Variants in XKR9 observed in about 807,000 individuals in gnomAD.
XKR9 encodes XK related 9.
Under a neutral mutation model 32.0 loss-of-function variants are expected in XKR9, and 32 were observed. The observed-to-expected ratio is 1.00, with a 90% CI of 0.76 to 1.34. The LOEUF (loss-of-function observed/expected upper bound fraction) is 1.34, where lower values mean the gene tolerates loss of function less well. Ranked by LOEUF, XKR9 falls within the 40% of genes most tolerant of loss-of-function variation. XKR9 has a pLI of 0.00. For synonymous variants in XKR9, 168 were observed against 143.4 expected, an observed-to-expected ratio of 1.17 and a Z score of -1.22; for missense variants, 546 against 429.7, an observed-to-expected ratio of 1.27 and a Z score of -2.39.
At chr8:70,916,546 T>A in the XKR9 span, among the ~76,000 whole-genome samples, 4 of 152,232 alleles carry the variant, frequency 2.6e-5, no homozygotes, top group African/African-American at 9.6e-5. Flanking sequence ...TTTTAATTAC[T>A]GTAGCTTTAT....
chr8:70,672,646 G>A (rs1279264623), intron 1 of XKR9, among the ~76,000 whole-genome samples: 1 of 152,040 alleles, frequency 6.6e-6, no homozygotes, highest in Non-Finnish European at 1.5e-5. Context: ...TCTCTGTACT[G>A]TTTTCCATAG....
chr8:70,781,122 G>T (rs927167859), intron 2 of XKR9: 3 of 151,886 alleles, frequency 2.0e-5, no homozygotes, highest in Non-Finnish European at 4.4e-5. Context: ...GGTATAAAGT[G>T]GTATTGCTTG....
intron 3 of XKR9, among the ~76,000 whole-genome samples, chr8:70,686,506 C>T (rs539824809): frequency 1.3e-4 from 19 of 151,696 alleles, no homozygotes; most frequent in South Asian, 1.3e-3. Context: ...TGCAGTGGCC[C>T]GATATTGGCT....
the XKR9 span, among the ~76,000 whole-genome samples, chr8:70,945,820 C>T: frequency 6.6e-6 from 1 of 152,170 alleles, no homozygotes; most frequent in South Asian, 2.1e-4. Context: ...AGCCCATTGA[C>T]TTACAGACTT....
chr8:70,753,130 C>T (rs12678258), intron 2 of XKR9, among the ~76,000 whole-genome samples: 817 of 125,308 alleles, frequency 6.5e-3, no homozygotes, highest in Non-Finnish European at 7.7e-3. Flanking sequence ...GAGAATACTA[C>T]AAACACCTCT....
At chr8:70,835,413 T>C in the XKR9 span, among the ~76,000 whole-genome samples, 2 of 152,088 alleles carry the variant, frequency 1.3e-5, no homozygotes, top group African/African-American at 4.8e-5. Context: ...CTTCAGAGTG[T>C]AAAGAAATCT....
chr8:70,941,562 T>C, the XKR9 span, among the ~76,000 whole-genome samples: 49 of 152,166 alleles, frequency 3.2e-4, no homozygotes, highest in Non-Finnish European at 5.6e-4. Flanking sequence ...ACCTGAAATC[T>C]GGATTGGGAG....
rs2130134316 is a variant in XKR9 at position 70,734,351 on chromosome 8, A to G, written c.1049A>G (p.Glu350Gly). The change falls in exon 5 of 5, where the codon GAA becomes GGA. Residue 350 changes from glutamate (E) to glycine (G), a missense_variant. By Grantham distance (98) the Glu-to-Gly change is moderately conservative. Coordinates refer to ENST00000408926, the MANE Select transcript of XKR9 (RefSeq NM_001011720.2). Reference protein sequence around the residue: ...YGSFHPNRSAETKCDEIDGKP... With the variant: ...YGSFHPNRSAGTKCDEIDGKP... ...AGTTTTCACCCAAACAGAAGTGCAG[A>G]AACAAAATGTGATGAAATTGATGGA... is the stretch of plus-strand genomic sequence containing the variant. The G allele has an allele frequency of 6.2e-7, 1 of 1,611,284 alleles. No individual in the cohort carries two copies. Among genetic ancestry groups the G allele is most frequent in the Non-Finnish European group, 8.5e-7 (1 of 1,179,458 alleles).
intron 2 of XKR9, among the ~76,000 whole-genome samples, chr8:70,678,365 A>C (rs539988259): frequency 1.3e-5 from 2 of 152,350 alleles, no homozygotes; most frequent in Admixed American, 1.3e-4. Context: ...TGCATGTGAT[A>C]ATTTAATACA....
intron 2 of XKR9, among the ~76,000 whole-genome samples, chr8:70,778,538 C>T (rs1407151610): frequency 8.5e-5 from 13 of 152,124 alleles, no homozygotes; most frequent in Non-Finnish European, 1.9e-4. Flanking sequence ...TTACTTTGGG[C>T]AGTATGACCA....
the XKR9 span, among the ~76,000 whole-genome samples, chr8:70,843,361 T>C: frequency 6.6e-6 from 1 of 152,224 alleles, no homozygotes; most frequent in Non-Finnish European, 1.5e-5. Context: ...TTATTTGTAT[T>C]TCTAACTCCT....
chr8:70,792,606 C>T (rs1807778669), downstream of XKR9, among the ~76,000 whole-genome samples: 1 of 152,076 alleles, frequency 6.6e-6, no homozygotes, highest in Non-Finnish European at 1.5e-5. Flanking sequence ...TAGTGCTAGA[C>T]AGGGCTTTAA....
intron 2 of XKR9, among the ~76,000 whole-genome samples, chr8:70,777,297 T>C (rs1440884796): frequency 6.6e-6 from 1 of 152,168 alleles, no homozygotes; most frequent in Non-Finnish European, 1.5e-5. Context: ...CATCCTTTTT[T>C]ATGGCTGCGT....
chr8:70,955,673 C>T, the XKR9 span, among the ~76,000 whole-genome samples: 1 of 152,198 alleles, frequency 6.6e-6, no homozygotes, highest in African/African-American at 2.4e-5. Context: ...CTGCTGGGCT[C>T]ATTCTGCCCC....
chr8:70,679,186 T>G (rs932628309), intron 2 of XKR9, among the ~76,000 whole-genome samples: 14 of 152,140 alleles, frequency 9.2e-5, no homozygotes, highest in African/African-American at 3.4e-4. Context: ...CATTTATCCC[T>G]CCTTACCTTT....
chr8:70,878,581 G>A, the XKR9 span, among the ~76,000 whole-genome samples: 6 of 152,194 alleles, frequency 3.9e-5, no homozygotes, highest in East Asian at 9.6e-4. Flanking sequence ...ATGGTAAAGG[G>A]ACCAATTCAA....
chr8:70,697,214 C>G (rs1047647364), intron 3 of XKR9, among the ~76,000 whole-genome samples: 55 of 151,758 alleles, frequency 3.6e-4, no homozygotes, highest in African/African-American at 1.3e-3. Flanking sequence ...GAACTTCCAA[C>G]ACTATGTTGA....
the XKR9 span, among the ~76,000 whole-genome samples, chr8:70,908,629 C>T: frequency 6.6e-6 from 1 of 152,118 alleles, no homozygotes; most frequent in African/African-American, 2.4e-5. Context: ...TTCAATTATT[C>T]CACTGCAGTG....
chr8:71,038,430 C>T, the XKR9 span, among the ~76,000 whole-genome samples: 1 of 150,480 alleles, frequency 6.6e-6, no homozygotes, highest in Non-Finnish European at 1.5e-5. Context: ...AAGCGATTCT[C>T]CTGCCTCAGC....
Sources: gnomAD v4.1 joint callset for allele counts (sites outside exome capture counted in the v4.1 genomes callset) on GRCh38, gnomAD v4.1.1 for gene constraint, MANE v1.5 for transcripts, NCBI Gene and HGNC (gene_info 2026-07-23, HGNC 2026-07-21) for gene names.